Variants in FHIT observed in about 807,000 individuals in gnomAD.
FHIT encodes the protein fragile histidine triad diadenosine triphosphatase.
A neutral mutation model predicts 17.9 loss-of-function variants in FHIT; 19 were observed. The ratio of observed to expected loss-of-function variants is 1.06; its 90% CI spans 0.74 to 1.56. FHIT has a LOEUF of 1.56. FHIT is among the 40% of genes most tolerant of loss of function. The pLI is 0.00. For synonymous variants in FHIT, 81 were observed against 69.7 expected (o/e 1.16, Z -0.81); for missense variants, 248 against 189.2 (o/e 1.31, Z -1.82).
chr3:60,912,056 C>T (rs5012716), intron 3 of FHIT, among the ~76,000 whole-genome samples: 9 of 66,822 alleles, frequency 1.3e-4, no homozygotes, highest in African/African-American at 2.5e-4. Context: ...CACACACATA[C>T]ACACACACAC....
At chr3:59,862,027 C>G (rs1454353361) in intron 8 of FHIT, among the ~76,000 whole-genome samples, 1 of 151,594 alleles carries the variant, frequency 6.6e-6, no homozygotes, top group African/African-American at 2.4e-5. Flanking sequence ...AAAAAAAAAC[C>G]TGTAACTGAT....
intron 3 of FHIT, among the ~76,000 whole-genome samples, chr3:60,851,283 A>G (rs781998212): frequency 5.3e-5 from 8 of 152,152 alleles, no homozygotes; most frequent in African/African-American, 1.4e-4. Context: ...GAGGTCCAAT[A>G]GAGGCTTTCC....
chr3:60,153,258 T>C (rs1700542187), intron 5 of FHIT, among the ~76,000 whole-genome samples: 1 of 150,962 alleles, frequency 6.6e-6, no homozygotes, highest in South Asian at 2.1e-4. Flanking sequence ...AAACCCAGAC[T>C]AGAACCTGTG....
intron 8 of FHIT, among the ~76,000 whole-genome samples, chr3:59,845,985 A>G (rs1361096408): frequency 6.6e-6 from 1 of 152,116 alleles, no homozygotes; most frequent in African/African-American, 2.4e-5. Flanking sequence ...ACTGGTTCTA[A>G]AGTAAGTCTG....
At chr3:60,417,793 T>A (rs78847314) in intron 5 of FHIT, among the ~76,000 whole-genome samples, 94 of 152,274 alleles carry the variant, frequency 6.2e-4, no homozygotes, top group Non-Finnish European at 1.0e-3. Flanking sequence ...TTAACTGTGA[T>A]TAACGGCCCT....
chr3:60,128,846 TC>T (rs1455550154), intron 5 of FHIT, among the ~76,000 whole-genome samples: 1 of 152,174 alleles, frequency 6.6e-6, no homozygotes, highest in Non-Finnish European at 1.5e-5. Flanking sequence ...CCCTGGTTAT[TC>T]CATCTCCATA....
chr3:60,902,898 C>A (rs1553763544), intron 3 of FHIT, among the ~76,000 whole-genome samples: 1 of 152,132 alleles, frequency 6.6e-6, no homozygotes, highest in South Asian at 2.1e-4. Flanking sequence ...AGAAATCTTT[C>A]ATCAAGGAGG....
intron 3 of FHIT, among the ~76,000 whole-genome samples, chr3:60,934,637 T>A (rs750226603): frequency 6.6e-6 from 1 of 152,190 alleles, no homozygotes; most frequent in African/African-American, 2.4e-5. Flanking sequence ...TTTTCTCCAT[T>A]TTAAAGAGGA....
intron 4 of FHIT, among the ~76,000 whole-genome samples, chr3:60,561,168 C>G (rs749186534): frequency 1.3e-5 from 2 of 151,828 alleles, no homozygotes; most frequent in Non-Finnish European, 2.9e-5. Context: ...GCAGAATGTC[C>G]TAAAGTACTG....
At chr3:60,386,147 G>A (rs185538857) in intron 5 of FHIT, among the ~76,000 whole-genome samples, 4 of 152,020 alleles carry the variant, frequency 2.6e-5, no homozygotes, top group African/African-American at 9.7e-5. Context: ...TTGAGCCCCG[G>A]CAGTGTGGTT....
At chr3:60,793,578 T>C (rs1368848270) in intron 4 of FHIT, among the ~76,000 whole-genome samples, 1 of 152,134 alleles carries the variant, frequency 6.6e-6, no homozygotes, top group African/African-American at 2.4e-5. Flanking sequence ...GCTGGGATTA[T>C]AGGCATGAGC....
chr3:59,919,570 A>C (rs1290073322), intron 8 of FHIT, among the ~76,000 whole-genome samples: 1 of 152,160 alleles, frequency 6.6e-6, no homozygotes, highest in Non-Finnish European at 1.5e-5. Context: ...GAACCTTCTT[A>C]TTTGTCACTA....
chr3:60,527,538 TG>T (rs1392176047), intron 5 of FHIT, among the ~76,000 whole-genome samples: 5 of 152,190 alleles, frequency 3.3e-5, no homozygotes. Context: ...GAGCAAATTA[TG>T]CGGCTAACCA....
chr3:60,678,892 C>T (rs73838367), intron 4 of FHIT, among the ~76,000 whole-genome samples: 2,815 of 146,696 alleles, frequency 0.019, 81 homozygotes, highest in African/African-American at 0.067. Flanking sequence ...ATATCAGTGG[C>T]ATAATAAATA....
At chr3:60,455,875 T>C (rs1300203553) in intron 5 of FHIT, among the ~76,000 whole-genome samples, 4 of 152,114 alleles carry the variant, frequency 2.6e-5, no homozygotes, top group Admixed American at 6.5e-5. Context: ...AGGAAAAAAA[T>C]ACATAATTTT....
At chr3:59,862,428 T>C (rs1702447781) in intron 8 of FHIT, among the ~76,000 whole-genome samples, 1 of 152,182 alleles carries the variant, frequency 6.6e-6, no homozygotes, top group African/African-American at 2.4e-5. Flanking sequence ...CCAAACCATA[T>C]CAACAATCAT....
intron 1 of FHIT, among the ~76,000 whole-genome samples, 191 bp downstream of exon 1, chr3:61,251,110 T>C (rs1050581594): frequency 2.6e-5 from 4 of 152,114 alleles, no homozygotes; most frequent in Admixed American, 2.6e-4. Flanking sequence ...GGGTCGGTGC[T>C]TGGGAATTGG....
intron 5 of FHIT, among the ~76,000 whole-genome samples, chr3:60,360,480 G>T (rs1028393525): frequency 3.3e-5 from 5 of 152,116 alleles, no homozygotes; most frequent in African/African-American, 1.2e-4. Context: ...ATGGAAAAAT[G>T]CAAGTCTTTG....
chr3:59,849,807 T>C (rs182664022), intron 8 of FHIT, among the ~76,000 whole-genome samples: 1 of 152,346 alleles, frequency 6.6e-6, no homozygotes, highest in Admixed American at 6.5e-5. Flanking sequence ...GAGTAGCTTA[T>C]AGAAGGAGAT....
Sources: allele counts gnomAD v4.1 joint callset (sites outside exome capture counted in the v4.1 genomes callset), GRCh38; gene constraint gnomAD v4.1.1; transcripts MANE v1.5; gene names NCBI Gene and HGNC (gene_info 2026-07-23, HGNC 2026-07-21).